NOD1: variants seen among roughly 807,000 people sequenced by gnomAD.
NOD1 encodes nucleotide binding oligomerization domain containing 1, also known as nucleotide-binding oligomerization domain-containing protein 1.
Under a neutral mutation model 81.2 loss-of-function variants are expected in NOD1, and 70 were observed. That is an observed-to-expected ratio of 0.86 (90% CI 0.71 to 1.05). The LOEUF (loss-of-function observed/expected upper bound fraction) is 1.05. Among genes scored for constraint, NOD1 ranks in the 50% least tolerant of loss-of-function variants. The probability of loss-of-function intolerance (pLI) is 0.00; values close to 1 mark genes in which losing one functional copy is unlikely to be tolerated. For synonymous variants in NOD1, 508 were observed against 526.9 expected, an observed-to-expected ratio of 0.96 and a Z score of 0.49; for missense variants, 1,233 against 1,228.0, an observed-to-expected ratio of 1.00 and a Z score of -0.06.
intron 13 of NOD1, among the ~76,000 whole-genome samples, chr7:30,426,228 C>T (rs902764993): frequency 6.6e-5 from 10 of 152,082 alleles, no homozygotes; most frequent in Admixed American, 1.3e-4. Context: ...GAGGCAGTTA[C>T]CTGCTTGGCA....
intron 12 of NOD1, among the ~76,000 whole-genome samples, chr7:30,431,843 G>A (rs1409162137): frequency 6.6e-6 from 1 of 152,108 alleles, no homozygotes; most frequent in African/African-American, 2.4e-5. Context: ...GTGGCTTTTC[G>A]CCTGTAATCC....
chr7:30,465,281 C>T (rs941984177), intron 1 of NOD1, among the ~76,000 whole-genome samples: 13 of 152,218 alleles, frequency 8.5e-5, no homozygotes, highest in Admixed American at 3.3e-4. Context: ...CAAAAACCCA[C>T]AGGAGGTGTG....
At chr7:30,430,373 C>T (rs900453266) in intron 12 of NOD1, among the ~76,000 whole-genome samples, 6 of 152,198 alleles carry the variant, frequency 3.9e-5, no homozygotes, top group African/African-American at 1.4e-4. Flanking sequence ...ACGCTTCTAA[C>T]CCAACCAGGA....
At chr7:30,448,429 A>G in intron 6 of NOD1, 48 bp from the exon 7 acceptor site, 4 of 1,418,342 alleles carry the variant, frequency 2.8e-6, no homozygotes, top group Middle Eastern at 3.5e-4. Context: ...GGCACTCATT[A>G]TGAAGGACCA....
intron 12 of NOD1, among the ~76,000 whole-genome samples, chr7:30,430,100 C>T (rs1253835418): frequency 6.6e-6 from 1 of 152,170 alleles, no homozygotes; most frequent in African/African-American, 2.4e-5. Context: ...AGTCTGACGT[C>T]TCCTTCCAGG....
At chr7:30,469,057 CAGCTCA>C in intron 1 of NOD1, 1 of 985,456 alleles carries the variant, frequency 1.0e-6, no homozygotes, top group Non-Finnish European at 1.2e-6. Flanking sequence ...TATGCTTGGT[CAGCTCA>C]AATGGTGTCC....
intron 1 of NOD1, among the ~76,000 whole-genome samples, chr7:30,464,970 G>A (rs1787532925): frequency 6.6e-6 from 1 of 152,188 alleles, no homozygotes; most frequent in Non-Finnish European, 1.5e-5. Context: ...ATTTACACAT[G>A]AGGAAACTGA....
At chr7:30,469,242 G>C in intron 1 of NOD1, 1 of 985,308 alleles carries the variant, frequency 1.0e-6, no homozygotes, top group Non-Finnish European at 1.2e-6. Context: ...AGACAATTTA[G>C]CAGATGGATG....
intron 1 of NOD1, among the ~76,000 whole-genome samples, chr7:30,471,950 C>A (rs1268333633): frequency 6.6e-6 from 1 of 152,220 alleles, no homozygotes. Context: ...CAAATCCTGC[C>A]TCTGCCTTCT....
intron 13 of NOD1, 34 bp from the exon 14 acceptor site, chr7:30,425,744 T>TA (rs772705270): frequency 1.4e-6 from 2 of 1,480,622 alleles, no homozygotes; most frequent in Admixed American, 3.3e-5. Context: ...AGTACACAGG[T>TA]AAAATGTTAA....
chr7:30,439,297 G>T (rs867633715), intron 9 of NOD1, among the ~76,000 whole-genome samples: 1 of 141,118 alleles, frequency 7.1e-6, no homozygotes, highest in African/African-American at 3.2e-5. Context: ...AGCTCCCAGC[G>T]TGAGCGACGC....
At chr7:30,469,347 A>T (rs1393578792) in intron 1 of NOD1, 9 of 661,220 alleles carry the variant, frequency 1.4e-5, no homozygotes, top group Non-Finnish European at 1.7e-5. Context: ...TTGAAAGCAG[A>T]TGGAAGTCAG....
At position 30,478,125 on chromosome 7, in the gene NOD1, CTG is replaced by C. The variant is rs1464708695; in HGVS notation, c.-352+479_-352+480del. Among the ~76,000 whole-genome samples the C allele has an allele frequency of 6.6e-6, 1 of 152,212 alleles. No homozygotes were observed. The highest frequency in any genetic ancestry group is 6.5e-5 in the Admixed American group (1 of 15,280). On this transcript the variant is annotated intron_variant, in intron 1 of 13. Coordinates refer to ENST00000222823, the MANE Select transcript of NOD1 (RefSeq NM_006092.4). The surrounding 1 kb of genome is among the most constrained non-coding windows in gnomAD (Gnocchi z 4.1). ...CCTCTCTCCAGGACCAAGCAGGACA[CTG>C]GGAGCTGCTGTCCCGTCTGCAGGCG...
intron 1 of NOD1, among the ~76,000 whole-genome samples, chr7:30,475,610 G>A (rs542274053): frequency 6.6e-6 from 1 of 152,192 alleles, no homozygotes; most frequent in Non-Finnish European, 1.5e-5. Context: ...CCTTCAGAGT[G>A]GCATCATCCC....
chr7:30,447,479 C>T (rs1785231094), intron 7 of NOD1: 1 of 241,302 alleles, frequency 4.1e-6, no homozygotes, highest in Admixed American at 5.2e-5. Flanking sequence ...GTCTACCTTT[C>T]AGCCATCTCA....
At chr7:30,428,271 G>A (rs1302406286) in intron 13 of NOD1, among the ~76,000 whole-genome samples, 1 of 152,072 alleles carries the variant, frequency 6.6e-6, no homozygotes, top group African/African-American at 2.4e-5. Flanking sequence ...ATGTTGCCCA[G>A]GCTGGTCTCA....
In NOD1 at chr7:30,459,255, A is replaced by G. The variant is rs55813184; in HGVS notation, c.-210-15T>C. 2 of 152,686 alleles carry G rather than the reference A, an allele frequency of 1.3e-5. No individual in the cohort carries two copies. The highest frequency in any genetic ancestry group is 3.8e-4 in the East Asian group (2 of 5,204). The allele number at this position is 152,686 out of a possible 1,614,324, so 9.5% of individuals were successfully genotyped here. The stretch of plus-strand genomic sequence containing the variant: ...ATTTCTGGAATCTGCAAAATCAAAG[A>G]AAGACTTAAAAAAATTATTGTGGCA... On this transcript the variant is annotated splice_polypyrimidine_tract_variant and intron_variant, in intron 2 of 13. Coordinates refer to ENST00000222823, the MANE Select transcript of NOD1 (RefSeq NM_006092.4).
At chr7:30,438,603 A>C (rs1403782199) in intron 9 of NOD1, among the ~76,000 whole-genome samples, 1 of 152,234 alleles carries the variant, frequency 6.6e-6, no homozygotes, top group African/African-American at 2.4e-5. Context: ...CACACCAAGC[A>C]AACTACCTGC....
At chr7:30,429,852 C>G (rs1783789694) in intron 12 of NOD1, among the ~76,000 whole-genome samples, 1 of 152,046 alleles carries the variant, frequency 6.6e-6, no homozygotes, top group Non-Finnish European at 1.5e-5. Flanking sequence ...CAACCTGTCT[C>G]TATTAAAAAT....
Sources: allele counts gnomAD v4.1 joint callset (sites outside exome capture counted in the v4.1 genomes callset), GRCh38; gene constraint gnomAD v4.1.1; non-coding constraint Gnocchi (gnomAD v3.1); transcripts MANE v1.5; gene names NCBI Gene and HGNC (gene_info 2026-07-23, HGNC 2026-07-21).